SLC44A5: variants seen among roughly 807,000 people sequenced by gnomAD.
SLC44A5 encodes choline transporter-like protein 5.
A neutral mutation model predicts 101.8 loss-of-function variants in SLC44A5; 57 were observed. The ratio of observed to expected loss-of-function variants is 0.56; its 90% CI spans 0.45 to 0.70. SLC44A5 has a LOEUF of 0.70. Among genes scored for constraint, SLC44A5 ranks in the 30% least tolerant of loss-of-function variants. SLC44A5 has a pLI of 0.00. For missense variants in SLC44A5, 737 were observed against 853.1 expected, an observed-to-expected ratio of 0.86 and a Z score of 1.70; for synonymous variants, 281 against 290.9, an observed-to-expected ratio of 0.97 and a Z score of 0.35.
intron 2 of SLC44A5, among the ~76,000 whole-genome samples, chr1:75,418,526 G>A (rs1663802964): frequency 6.6e-6 from 1 of 152,102 alleles, no homozygotes; most frequent in African/African-American, 2.4e-5. Context: ...ATGAGTAATA[G>A]GTCCCTAAGA....
intron 9 of SLC44A5, among the ~76,000 whole-genome samples, chr1:75,239,842 A>G (rs1445059719): frequency 6.6e-6 from 1 of 152,070 alleles, no homozygotes; most frequent in Non-Finnish European, 1.5e-5. Context: ...AAATCAGTCA[A>G]TATTTGCTGA....
chr1:75,621,850 C>T, the SLC44A5 span, among the ~76,000 whole-genome samples: 1 of 151,956 alleles, frequency 6.6e-6, no homozygotes, highest in Non-Finnish European at 1.5e-5. Context: ...TGAGATTAGC[C>T]AGCTAGTCCA....
intron 1 of SLC44A5, among the ~76,000 whole-genome samples, chr1:75,549,997 A>C (rs211763): frequency 0.95 from 144,560 of 152,044 alleles, 68,758 homozygotes; most frequent in East Asian, 0.98. Context: ...ATTTTAATTA[A>C]AATATAATTG....
At chr1:75,716,138 T>C in the SLC44A5 span, among the ~76,000 whole-genome samples, 2 of 152,216 alleles carry the variant, frequency 1.3e-5, no homozygotes. Flanking sequence ...TCAGAATCTC[T>C]ATCATTAAAA....
At chr1:75,637,327 G>A in the SLC44A5 span, among the ~76,000 whole-genome samples, 2 of 152,010 alleles carry the variant, frequency 1.3e-5, no homozygotes, top group South Asian at 4.2e-4. Flanking sequence ...ATATAATTCA[G>A]CCATAAAAAG....
At chr1:75,599,980 G>A (rs1023401441) in intron 1 of SLC44A5, among the ~76,000 whole-genome samples, 1 of 152,180 alleles carries the variant, frequency 6.6e-6, no homozygotes, top group Non-Finnish European at 1.5e-5. Flanking sequence ...TTTCAGGAGT[G>A]TCATAAGTGC....
intron 2 of SLC44A5, among the ~76,000 whole-genome samples, chr1:75,398,703 A>T (rs1192267423): frequency 6.6e-6 from 1 of 152,178 alleles, no homozygotes; most frequent in East Asian, 1.9e-4. Flanking sequence ...TTGCATAATG[A>T]ATCAAAAAAA....
intron 3 of SLC44A5, among the ~76,000 whole-genome samples, chr1:75,390,132 C>T (rs2101348185): frequency 6.6e-6 from 1 of 151,996 alleles, no homozygotes; most frequent in South Asian, 2.1e-4. Context: ...ACTGAACAGG[C>T]CAATAATGAA....
intron 1 of SLC44A5, among the ~76,000 whole-genome samples, chr1:75,557,440 C>A (rs562866170): frequency 2.6e-5 from 4 of 152,210 alleles, no homozygotes; most frequent in South Asian, 2.1e-4. Context: ...TGACCTATAA[C>A]TTAATTTCAC....
rs537928714 is a variant in SLC44A5, at chr1:75,493,246, A to G, written c.13+48189T>C. Among the ~76,000 whole-genome samples the G allele has an allele frequency of 7.2e-5, 11 of 152,326 alleles. No individual in the cohort carries two copies. The South Asian group carries it at 2.3e-3, about 32-fold the overall frequency. ...TGAAACTAAAAGAACAATGACATAC[A>G]TAAAGAATGCCAGAGAATTTCAAGC... is the stretch of plus-strand genomic sequence containing the variant. On this transcript the variant is annotated intron_variant, in intron 2 of 23. Transcript: ENST00000370859.
chr1:75,686,280 C>A, the SLC44A5 span, among the ~76,000 whole-genome samples: 1 of 152,074 alleles, frequency 6.6e-6, no homozygotes, highest in Non-Finnish European at 1.5e-5. Context: ...TAAGAAACAT[C>A]ACAAAGAATA....
chr1:75,411,790 C>G (rs1028298881), intron 2 of SLC44A5, among the ~76,000 whole-genome samples: 2 of 152,050 alleles, frequency 1.3e-5, no homozygotes, highest in African/African-American at 4.8e-5. Context: ...CTTCTCTTTT[C>G]TGGAATCATT....
intron 2 of SLC44A5, among the ~76,000 whole-genome samples, chr1:75,519,185 G>A (rs1040845056): frequency 1.3e-5 from 2 of 151,944 alleles, no homozygotes; most frequent in African/African-American, 4.8e-5. Flanking sequence ...GACAAGTTTC[G>A]CACAAAGTGT....
intron 1 of SLC44A5, among the ~76,000 whole-genome samples, chr1:75,587,665 A>G (rs1674092568): frequency 6.6e-6 from 1 of 152,322 alleles, no homozygotes; most frequent in Middle Eastern, 3.4e-3. Context: ...GGCCTCTTTC[A>G]AAGTATATAT....
the SLC44A5 span, among the ~76,000 whole-genome samples, chr1:75,715,745 T>A: frequency 0.016 from 2,388 of 152,248 alleles, 72 homozygotes; most frequent in African/African-American, 0.053. Flanking sequence ...GGCAAAGATT[T>A]CATGACAAAG....
intron 5 of SLC44A5, among the ~76,000 whole-genome samples, chr1:75,283,290 T>A (rs1020829647): frequency 1.3e-5 from 2 of 152,180 alleles, no homozygotes; most frequent in Non-Finnish European, 2.9e-5. Context: ...GCCATTTGTA[T>A]ATCTTCTTTT....
the SLC44A5 span, among the ~76,000 whole-genome samples, chr1:75,681,785 G>A: frequency 1.3e-5 from 2 of 151,314 alleles, no homozygotes; most frequent in South Asian, 4.2e-4. Context: ...AGGAAATAAA[G>A]GGTATTCAAT....
chr1:75,352,562 A>G (rs910845399), intron 3 of SLC44A5, among the ~76,000 whole-genome samples: 1 of 152,196 alleles, frequency 6.6e-6, no homozygotes, highest in African/African-American at 2.4e-5. Flanking sequence ...AGCAATTAGG[A>G]AGATATACAT....
intron 1 of SLC44A5, among the ~76,000 whole-genome samples, chr1:75,550,533 AC>A (rs1470355111): frequency 8.5e-5 from 13 of 152,118 alleles, no homozygotes; most frequent in Admixed American, 7.2e-4. Context: ...AAAATGGCAA[AC>A]ATGATAAATT....
Sources: gnomAD v4.1 joint callset for allele counts (sites outside exome capture counted in the v4.1 genomes callset) on GRCh38, gnomAD v4.1.1 for gene constraint, MANE v1.5 for transcripts, NCBI Gene and HGNC (gene_info 2026-07-23, HGNC 2026-07-21) for gene names.